CFAP299: variants seen among roughly 807,000 people sequenced by gnomAD.
The protein encoded by CFAP299 is cilia- and flagella-associated protein 299.
Under a neutral mutation model 27.0 loss-of-function variants are expected in CFAP299, and 21 were observed. That is an observed-to-expected ratio of 0.78 (90% CI 0.55 to 1.12). The LOEUF (loss-of-function observed/expected upper bound fraction) is 1.12. Ranked by LOEUF, CFAP299 falls within the 50% of genes most tolerant of loss-of-function variation. The pLI is 0.00. For missense variants in CFAP299, 310 were observed against 276.6 expected (o/e 1.12, Z -0.86); for synonymous variants, 104 against 98.1 (o/e 1.06, Z -0.36).
At chr4:80,379,897 C>T (rs1224062024) in intron 2 of CFAP299, among the ~76,000 whole-genome samples, 1 of 151,922 alleles carries the variant, frequency 6.6e-6, no homozygotes, top group African/African-American at 2.4e-5. Flanking sequence ...AATTACTATT[C>T]TAAAAATAGC....
intron 3 of CFAP299, among the ~76,000 whole-genome samples, chr4:80,848,555 G>T (rs995221046): frequency 6.6e-6 from 1 of 152,098 alleles, no homozygotes; most frequent in Admixed American, 6.5e-5. Context: ...GATTGCTTGA[G>T]CCCAGGAGTT....
chr4:80,666,550 C>T (rs1246694227), intron 3 of CFAP299, among the ~76,000 whole-genome samples: 1 of 152,146 alleles, frequency 6.6e-6, no homozygotes, highest in Admixed American at 6.6e-5. Flanking sequence ...CCTTCCTTCT[C>T]ATCTTATGTC....
intron 3 of CFAP299, among the ~76,000 whole-genome samples, chr4:80,866,756 A>G (rs572480285): frequency 9.8e-5 from 15 of 152,360 alleles, no homozygotes; most frequent in South Asian, 6.2e-4. Context: ...CAGAGCAGAC[A>G]TTTAACTCTC....
chr4:80,868,453 A>C (rs1466007593), intron 3 of CFAP299, among the ~76,000 whole-genome samples: 1 of 152,198 alleles, frequency 6.6e-6, no homozygotes, highest in East Asian at 1.9e-4. Flanking sequence ...CACTGAAGAT[A>C]GTACTTCATG....
At chr4:80,494,766 A>G (rs1038189328) in intron 2 of CFAP299, among the ~76,000 whole-genome samples, 1 of 151,600 alleles carries the variant, frequency 6.6e-6, no homozygotes, top group Non-Finnish European at 1.5e-5. Flanking sequence ...TTAATATGTT[A>G]TCCATTTATT....
intron 3 of CFAP299, among the ~76,000 whole-genome samples, chr4:80,688,878 G>C (rs922336674): frequency 1.3e-5 from 2 of 151,766 alleles, no homozygotes; most frequent in African/African-American, 4.8e-5. Flanking sequence ...ACCAAGGCTC[G>C]AGAACTACGT....
chr4:80,648,802 A>G (rs981270180), intron 3 of CFAP299: 1 of 152,180 alleles, frequency 6.6e-6, no homozygotes. Context: ...GCCCAACCAA[A>G]AAATTCTAAA....
Position 80,690,038 on chromosome 4 carries a change from T to C in CFAP299, c.333+106855T>C, listed in dbSNP as rs551619715. Reference sequence around the variant, plus strand: ...CCCAACACAGGAGCACCCAGATTCATAAAGCAAGTCCTGAGTGACCTACAA... The same window carrying C: ...CCCAACACAGGAGCACCCAGATTCACAAAGCAAGTCCTGAGTGACCTACAA... On this transcript the variant is annotated intron_variant, in intron 3 of 5. Coordinates refer to ENST00000358105, the MANE Select transcript of CFAP299 (RefSeq NM_152770.3). 7.4e-4 allele frequency among the ~76,000 whole-genome samples: 110 copies of C among 149,160 alleles called. 2 individuals carry two copies. Among genetic ancestry groups the C allele is most frequent in the Non-Finnish European group, 5.7e-4 (39 of 67,972 alleles).
intron 3 of CFAP299, among the ~76,000 whole-genome samples, chr4:80,585,491 C>G (rs1299464958): frequency 2.6e-5 from 4 of 152,112 alleles, no homozygotes; most frequent in Non-Finnish European, 5.9e-5. Flanking sequence ...CATTTGGTCA[C>G]CAACCCTGGT....
At chr4:80,526,143 C>T (rs1341482903) in intron 2 of CFAP299, among the ~76,000 whole-genome samples, 1 of 151,996 alleles carries the variant, frequency 6.6e-6, no homozygotes, top group Non-Finnish European at 1.5e-5. Context: ...GGCCGGAAGT[C>T]GGGTCATAGC....
At chr4:80,872,483 T>C (rs1381105929) in intron 4 of CFAP299, 1 of 152,088 alleles carries the variant, frequency 6.6e-6, no homozygotes, top group Non-Finnish European at 1.5e-5. Flanking sequence ...AAATACAAAA[T>C]AAATATTTTT....
chr4:80,455,453 C>G (rs1344894493), intron 2 of CFAP299, among the ~76,000 whole-genome samples: 2 of 151,938 alleles, frequency 1.3e-5, no homozygotes, highest in African/African-American at 4.8e-5. Context: ...TATTAATAAA[C>G]TCCCTCCACT....
At chr4:80,468,011 G>A (rs1221903859) in intron 2 of CFAP299, among the ~76,000 whole-genome samples, 3 of 152,082 alleles carry the variant, frequency 2.0e-5, no homozygotes, top group Non-Finnish European at 4.4e-5. Context: ...GGGGATTATG[G>A]GGATTACAAC....
intron 3 of CFAP299, among the ~76,000 whole-genome samples, chr4:80,759,495 A>G (rs1725435320): frequency 6.6e-6 from 1 of 152,184 alleles, no homozygotes; most frequent in Admixed American, 6.5e-5. Flanking sequence ...CATGAAAGAA[A>G]AATGTGAGCA....
chr4:80,835,200 C>T (rs1034438437), intron 3 of CFAP299, among the ~76,000 whole-genome samples: 58 of 151,988 alleles, frequency 3.8e-4, no homozygotes, highest in Admixed American at 7.9e-4. Flanking sequence ...CCCAGGTTCA[C>T]GCCATTCTCC....
chr4:80,618,068 T>G lies in CFAP299; in HGVS notation c.333+34885T>G, dbSNP rs1738388685. ...GATGTATGGTCATTTGCATACCGCA[T>G]AGGTTGTCCTATGCATGTTGCAAAG... On this transcript the variant is annotated intron_variant, in intron 3 of 5. Coordinates refer to ENST00000358105, the MANE Select transcript of CFAP299 (RefSeq NM_152770.3). Among the ~76,000 whole-genome samples the G allele has an allele frequency of 2.0e-5, 3 of 152,142 alleles. No individual in the cohort carries two copies. In the South Asian group the frequency reaches 6.2e-4, roughly 32 times the overall value.
At chr4:80,833,707 G>A (rs1338254170) in intron 3 of CFAP299, among the ~76,000 whole-genome samples, 1 of 152,152 alleles carries the variant, frequency 6.6e-6, no homozygotes, top group African/African-American at 2.4e-5. Flanking sequence ...AATTTCAACT[G>A]CAAGTAAACA....
At chr4:80,743,317 T>C (rs962708222) in intron 3 of CFAP299, among the ~76,000 whole-genome samples, 5 of 152,128 alleles carry the variant, frequency 3.3e-5, no homozygotes, top group Admixed American at 2.6e-4. Context: ...TTAAGCATCA[T>C]AGTAGATAAA....
chr4:80,330,035 C>G, the CFAP299 span, among the ~76,000 whole-genome samples: 1 of 152,108 alleles, frequency 6.6e-6, no homozygotes, highest in Non-Finnish European at 1.5e-5. Context: ...TCATTAAAAA[C>G]CAACCATGCC....
Sources: gnomAD v4.1 joint callset for allele counts (sites outside exome capture counted in the v4.1 genomes callset) on GRCh38, gnomAD v4.1.1 for gene constraint, MANE v1.5 for transcripts, NCBI Gene and HGNC (gene_info 2026-07-23, HGNC 2026-07-21) for gene names.